The following WDPCP variants were observed in gnomAD, a reference collection of about 807,000 sequenced individuals.
WDPCP encodes the protein WD repeat-containing and planar cell polarity effector protein fritz homolog.
In WDPCP, 71 loss-of-function variants were observed where a neutral mutation model predicts 93.1. The ratio of observed to expected loss-of-function variants is 0.76; its 90% CI spans 0.63 to 0.93. The LOEUF (loss-of-function observed/expected upper bound fraction) is 0.93. WDPCP is among the 40% of genes least tolerant of loss of function. The pLI is 0.00. For missense variants in WDPCP, 844 were observed against 887.4 expected (o/e 0.95, Z 0.62); for synonymous variants, 315 against 315.0 (o/e 1.00, Z 0.00).
chr2:63,346,276 C>T (rs1878507), intron 12 of WDPCP, among the ~76,000 whole-genome samples: 83,662 of 151,958 alleles, frequency 0.55, 23,351 homozygotes, highest in Admixed American at 0.63. Context: ...TAAGAATCAT[C>T]TGAAGCCGAG....
rs75917883 is a variant in WDPCP at position 63,742,690 on chromosome 2, A to G, written n.308+70932T>C. On this transcript the variant is annotated intron_variant and non_coding_transcript_variant, in intron 2 of 4. Coordinates refer to the WDPCP transcript ENST00000467687. ...CAGTGATAACTAACAAAAGACCCATACGAGATGACATAAAAACGTTGGTGG... is the reference window on the plus strand; with the variant it reads ...CAGTGATAACTAACAAAAGACCCATGCGAGATGACATAAAAACGTTGGTGG... Among the ~76,000 whole-genome samples, 1,114 of 148,388 alleles carry G rather than the reference A, an allele frequency of 7.5e-3. 11 individuals are homozygous for G. The highest frequency in any genetic ancestry group is 0.026 in the African/African-American group (1,058 of 40,064).
chr2:63,283,014 G>A (rs1475175651), intron 13 of WDPCP, among the ~76,000 whole-genome samples: 1 of 152,080 alleles, frequency 6.6e-6, no homozygotes, highest in Non-Finnish European at 1.5e-5. Context: ...TTGGAATTTC[G>A]TGGAATTTTT....
chr2:63,386,051 T>C (rs910212871), intron 10 of WDPCP, among the ~76,000 whole-genome samples: 4 of 152,034 alleles, frequency 2.6e-5, no homozygotes, highest in Non-Finnish European at 4.4e-5. Context: ...CCATACCTCA[T>C]ACCATATGCA....
chr2:63,312,722 C>T (rs1299380817), intron 13 of WDPCP, among the ~76,000 whole-genome samples: 28 of 152,054 alleles, frequency 1.8e-4, no homozygotes, highest in Admixed American at 1.8e-3. Context: ...TGTTCTGTAG[C>T]TAATAAATGG....
upstream of WDPCP, among the ~76,000 whole-genome samples, chr2:63,591,743 CTA>C (rs1709205376): frequency 6.6e-6 from 1 of 152,244 alleles, no homozygotes; most frequent in East Asian, 1.9e-4. Context: ...GCTTCATGGC[CTA>C]ATACAGAGCA....
At chr2:63,215,218 A>C (rs557090380) in intron 14 of WDPCP, among the ~76,000 whole-genome samples, 1 of 152,336 alleles carries the variant, frequency 6.6e-6, no homozygotes. Flanking sequence ...ACCTGACTTC[A>C]AACTACACTA....
intron 6 of WDPCP, among the ~76,000 whole-genome samples, chr2:63,444,711 C>T (rs112123011): frequency 5.3e-5 from 8 of 152,160 alleles, no homozygotes; most frequent in Non-Finnish European, 1.0e-4. Context: ...GATGAACCAA[C>T]GAGAAGGCCA....
chr2:63,791,665 C>T lies in WDPCP; in HGVS notation n.308+21957G>A, dbSNP rs144691102. 4.1e-3 allele frequency among the ~76,000 whole-genome samples: 630 copies of T among 152,222 alleles called. 5 individuals carry two copies. Among genetic ancestry groups the T allele is most frequent in the African/African-American group, 0.014 (600 of 41,550 alleles). ...ACTGAATAGTGATCCTGAAGGCCAT[C>T]AGACCAGAGTCTCCAGTCTCTTTCT... On this transcript the variant is annotated intron_variant and non_coding_transcript_variant, in intron 2 of 4. Transcript: ENST00000467687.
intron 3 of WDPCP, among the ~76,000 whole-genome samples, chr2:63,646,508 G>T (rs1264726443): frequency 6.6e-6 from 1 of 151,980 alleles, no homozygotes; most frequent in Non-Finnish European, 1.5e-5. Context: ...TGTACCTTGA[G>T]GTGATTACAT....
intron 2 of WDPCP, among the ~76,000 whole-genome samples, chr2:63,654,696 G>A (rs755173140): frequency 2.6e-5 from 4 of 152,048 alleles, no homozygotes; most frequent in Non-Finnish European, 5.9e-5. Flanking sequence ...TATATAAAAT[G>A]GTGTAATACT....
chr2:63,608,786 G>A (rs1376748585), intron 3 of WDPCP, among the ~76,000 whole-genome samples: 1 of 152,092 alleles, frequency 6.6e-6, no homozygotes, highest in African/African-American at 2.4e-5. Flanking sequence ...CTCCAGCCTA[G>A]GCAACAGAGC....
chr2:63,157,302 C>G (rs1005190359), intron 15 of WDPCP, among the ~76,000 whole-genome samples: 3 of 151,778 alleles, frequency 2.0e-5, no homozygotes, highest in African/African-American at 7.3e-5. Flanking sequence ...AGACAGTAGT[C>G]TATAGTTTTT....
chr2:63,429,523 C>T (rs1176389896), intron 9 of WDPCP, among the ~76,000 whole-genome samples: 2 of 152,002 alleles, frequency 1.3e-5, no homozygotes, highest in Middle Eastern at 3.4e-3. Context: ...CTATAAAAAG[C>T]GGGCAAAGGA....
intron 2 of WDPCP, among the ~76,000 whole-genome samples, chr2:63,669,463 G>A (rs563060116): frequency 2.0e-5 from 3 of 151,716 alleles, no homozygotes; most frequent in African/African-American, 7.3e-5. Context: ...GGGTTCAAGC[G>A]ATTCTTGTGC....
intron 2 of WDPCP, among the ~76,000 whole-genome samples, chr2:63,702,365 T>G (rs920963004): frequency 5.9e-5 from 9 of 152,324 alleles, no homozygotes; most frequent in Admixed American, 1.3e-4. Context: ...CTAATTACAC[T>G]GAATTGATCT....
chr2:63,344,861 C>A (rs1689086419), intron 12 of WDPCP, among the ~76,000 whole-genome samples: 1 of 152,158 alleles, frequency 6.6e-6, no homozygotes, highest in Admixed American at 6.5e-5. Context: ...ACTAACCACA[C>A]CAGAAATGTC....
At position 63,558,794 on chromosome 2, in the gene WDPCP, C is replaced by A. The variant is rs888374392; in HGVS notation, c.75+29403G>T. 8.6e-5 allele frequency among the ~76,000 whole-genome samples: 12 copies of A among 140,328 alleles called. No individual in the cohort carries two copies. The Admixed American group carries it at 9.0e-4, about 11-fold the overall frequency. The allele number at this position is 140,328 out of a possible 152,430, so 92.1% of individuals were successfully genotyped here. The stretch of plus-strand genomic sequence containing the variant: ...CTGAAATTGAGGCAGCAACAAATGG[C>A]CTACCAACCAAAAAAACGCCAGGAC... On this transcript the variant is annotated intron_variant, in intron 1 of 17. Coordinates refer to ENST00000272321, the MANE Select transcript of WDPCP (RefSeq NM_015910.7).
In WDPCP at chr2:63,369,351, G is replaced by A. The variant is rs190144404; in HGVS notation, c.1748+9035C>T. 2.1e-3 allele frequency: 971 copies of A among 455,012 alleles called. 2 individuals carry two copies. Among genetic ancestry groups the A allele is most frequent in the Admixed American group, 3.9e-3 (164 of 42,384 alleles). 28.2% of individuals were successfully genotyped at this position (455,012 alleles called of 1,614,324 possible). On this transcript the variant is annotated intron_variant, in intron 12 of 17. Transcript: ENST00000272321. ...AAGCATGATGAGGTCATCAGCAGGG[G>A]ACAGTCTGGAGTTTGAGGTCAACAA...
chr2:63,597,433 C>G, intron 3 of WDPCP: 1 of 1,454,358 alleles, frequency 6.9e-7, no homozygotes, highest in Non-Finnish European at 9.2e-7. Flanking sequence ...ACGTTGCCTT[C>G]AAAGACCTGG....
Sources: allele counts gnomAD v4.1 joint callset (sites outside exome capture counted in the v4.1 genomes callset), GRCh38; gene constraint gnomAD v4.1.1; transcripts MANE v1.5; gene names NCBI Gene and HGNC (gene_info 2026-07-23, HGNC 2026-07-21).